Variants in AP2A1 observed in about 807,000 individuals in gnomAD.
AP2A1 encodes the protein AP-2 complex subunit alpha-1.
Under a neutral mutation model 107.3 loss-of-function variants are expected in AP2A1, and 21 were observed. That is an observed-to-expected ratio of 0.20 (90% CI 0.14 to 0.28). The LOEUF (loss-of-function observed/expected upper bound fraction) is 0.28, where lower values mean the gene tolerates loss of function less well. Ranked by LOEUF, AP2A1 falls within the 10% of genes least tolerant of loss-of-function variation. The pLI is 1.00. For missense variants in AP2A1, 873 were observed against 1,307.7 expected, an observed-to-expected ratio of 0.67 and a Z score of 5.13; for synonymous variants, 602 against 564.8, an observed-to-expected ratio of 1.07 and a Z score of -0.93.
chr19:49,799,560 C>T, intron 9 of AP2A1, 65 bp downstream of exon 9: 1 of 1,600,852 alleles, frequency 6.2e-7, no homozygotes, highest in Non-Finnish European at 8.5e-7. Flanking sequence ...GGCTCAGAGG[C>T]CCTTGGGTGG....
intron 1 of AP2A1, among the ~76,000 whole-genome samples, chr19:49,769,869 G>A (rs76668316): frequency 0.085 from 12,889 of 151,922 alleles, 617 homozygotes; most frequent in South Asian, 0.13. Context: ...GTGAGAAATG[G>A]GTTGGTGATA....
At chr19:49,783,774 G>C (rs1197248836) in intron 4 of AP2A1, among the ~76,000 whole-genome samples, 1 of 152,204 alleles carries the variant, frequency 6.6e-6, no homozygotes, top group East Asian at 1.9e-4. Flanking sequence ...GCTTGTCCGA[G>C]AAGTTCTCGA....
At chr19:49,805,289 A>T in intron 18 of AP2A1, 164 bp from the exon 19 acceptor site, 1 of 812,494 alleles carries the variant, frequency 1.2e-6, no homozygotes, top group Non-Finnish European at 1.8e-6. Flanking sequence ...AGGTTTCCAT[A>T]GTATGAACTT....
chr19:49,770,868 T>C (rs2084548984), intron 1 of AP2A1, among the ~76,000 whole-genome samples: 1 of 152,086 alleles, frequency 6.6e-6, no homozygotes, highest in African/African-American at 2.4e-5. Flanking sequence ...TTTTTATTTT[T>C]TGAGATGGAG....
intron 15 of AP2A1, 75 bp from the exon 16 acceptor site, chr19:49,802,874 T>C: frequency 6.6e-7 from 1 of 1,504,414 alleles, no homozygotes; most frequent in Non-Finnish European, 9.1e-7. Flanking sequence ...GGGCTTGTTC[T>C]CGCACTCAAT....
At chr19:49,787,335 T>G (rs1423961050) in intron 4 of AP2A1, among the ~76,000 whole-genome samples, 1 of 104,986 alleles carries the variant, frequency 9.5e-6, no homozygotes. Context: ...GCTTTTTTTG[T>G]TTGTTTTTTT....
In AP2A1 at chr19:49,803,211, G is replaced by A. The variant is rs1314029593; in HGVS notation, c.2254+22G>A. ...CTGGGTGTGTCCCGGGGGACTGTGG[G>A]AATGGGTCGGAGGGAGACCTTGGGG... On this transcript the variant is annotated intron_variant, in intron 17 of 22. Coordinates refer to ENST00000354293, the MANE Select transcript of AP2A1 (RefSeq NM_130787.3). 9 of 1,613,882 alleles carry A rather than the reference G, an allele frequency of 5.6e-6. No homozygotes were observed. The Middle Eastern group carries it at 6.6e-4, about 118-fold the overall frequency.
rs1438756405 is a variant in AP2A1, at chr19:49,800,169, G to C, written c.1455+19G>C. 5 of 1,592,606 alleles carry C rather than the reference G, an allele frequency of 3.1e-6. No homozygotes were observed. In the African/African-American group the frequency reaches 6.7e-5, roughly 21 times the overall value. On this transcript the variant is annotated intron_variant, in intron 11 of 22. Transcript: ENST00000354293. ...CTTTGAGGTCAGCATCCCTGACCCT[G>C]ACCCTATGACCCCACGACAGGACCT...
At chr19:49,774,529 C>A (rs1282114103) in intron 1 of AP2A1, among the ~76,000 whole-genome samples, 1 of 151,978 alleles carries the variant, frequency 6.6e-6, no homozygotes, top group Non-Finnish European at 1.5e-5. Context: ...AAATGCAAGC[C>A]ATATATATGT....
intron 6 of AP2A1, among the ~76,000 whole-genome samples, chr19:49,794,683 A>G (rs1357097035): frequency 6.6e-6 from 1 of 151,268 alleles, no homozygotes; most frequent in South Asian, 2.1e-4. Context: ...TTTTTTTGAG[A>G]TGGAGTTTCG....
chr19:49,798,664 G>T, intron 7 of AP2A1, 138 bp from the exon 8 acceptor site: 1 of 1,169,334 alleles, frequency 8.6e-7, no homozygotes, highest in Non-Finnish European at 1.2e-6. Context: ...CCCTGGCCCT[G>T]AGCTGCAGAA....
At chr19:49,768,254 G>A (rs942466280) in intron 1 of AP2A1, among the ~76,000 whole-genome samples, 7 of 152,092 alleles carry the variant, frequency 4.6e-5, no homozygotes, top group African/African-American at 1.4e-4. Context: ...CTGGCGGCAA[G>A]TCAGCTCTCA....
Position 49,768,801 on chromosome 19 carries a change from C to T in AP2A1, c.67+1601C>T, listed in dbSNP as rs145712055. Reference sequence around the variant, plus strand: ...TGACCCTCCACGAGTTGTTTAACCTCTTTCAGGACGTTTTCTTGTCTGCAA... The same window carrying T: ...TGACCCTCCACGAGTTGTTTAACCTTTTTCAGGACGTTTTCTTGTCTGCAA... On this transcript the variant is annotated intron_variant, in intron 1 of 22. Coordinates refer to ENST00000354293, the MANE Select transcript of AP2A1 (RefSeq NM_130787.3). Among the ~76,000 whole-genome samples the T allele has an allele frequency of 3.9e-3, 599 of 152,288 alleles. 4 individuals are homozygous for T. The highest frequency in any genetic ancestry group is 0.013 in the African/African-American group (541 of 41,558).
intron 7 of AP2A1, 123 bp from the exon 8 acceptor site, chr19:49,798,679 C>T (rs538562213): frequency 3.7e-4 from 482 of 1,313,726 alleles, no homozygotes; most frequent in African/African-American, 2.5e-3. Context: ...GCAGAATTCT[C>T]GAGTGTCAGA....
At chr19:49,777,918 A>T (rs3116101) in intron 1 of AP2A1, among the ~76,000 whole-genome samples, 3 of 151,940 alleles carry the variant, frequency 2.0e-5, no homozygotes, top group Admixed American at 6.6e-5. Context: ...AAAGAGTGAG[A>T]CCCCGTCTCA....
At chr19:49,798,049 C>T (rs1341997412) in intron 7 of AP2A1, among the ~76,000 whole-genome samples, 1 of 152,206 alleles carries the variant, frequency 6.6e-6, no homozygotes, top group East Asian at 1.9e-4. Context: ...TCATTGCTGC[C>T]TTGTGGTGTA....
At chr19:49,802,235 G>T (rs372342266) in intron 15 of AP2A1, 94 bp downstream of exon 15, 40 of 717,326 alleles carry the variant, frequency 5.6e-5, no homozygotes, top group East Asian at 3.6e-4. Flanking sequence ...CCCCTCCCCC[G>T]CCCCCGACTC....
chr19:49,794,067 A>G (rs2073181145), intron 6 of AP2A1, among the ~76,000 whole-genome samples: 1 of 145,578 alleles, frequency 6.9e-6, no homozygotes, highest in Non-Finnish European at 1.5e-5. Flanking sequence ...TGCCCGGCTA[A>G]TTTTTTGTAT....
chr19:49,787,086 A>G (rs2084746237), intron 4 of AP2A1, among the ~76,000 whole-genome samples: 1 of 152,142 alleles, frequency 6.6e-6, no homozygotes, highest in Non-Finnish European at 1.5e-5. Context: ...GGCTCACTGC[A>G]ACCTCCGACT....
Sources: allele counts gnomAD v4.1 joint callset (sites outside exome capture counted in the v4.1 genomes callset), GRCh38; gene constraint gnomAD v4.1.1; transcripts MANE v1.5; gene names NCBI Gene and HGNC (gene_info 2026-07-23, HGNC 2026-07-21).